Variants in PHF21A observed in about 807,000 individuals in gnomAD.
The protein encoded by PHF21A is PHD finger protein 21A.
PHF21A carries 11 observed loss-of-function variants against 82.5 expected under a neutral mutation model. The observed-to-expected ratio is 0.13, with a 90% CI of 0.08 to 0.22. The LOEUF (loss-of-function observed/expected upper bound fraction) is 0.22, where lower values mean the gene tolerates loss of function less well. Among genes scored for constraint, PHF21A ranks in the 10% least tolerant of loss-of-function variants. PHF21A has a pLI of 1.00. For missense variants in PHF21A, 579 were observed against 837.8 expected, an observed-to-expected ratio of 0.69 and a Z score of 3.81; for synonymous variants, 297 against 302.8, an observed-to-expected ratio of 0.98 and a Z score of 0.20.
chr11:46,111,341 A>C (rs1371265092), intron 1 of PHF21A, among the ~76,000 whole-genome samples: 2 of 151,774 alleles, frequency 1.3e-5, no homozygotes, highest in Non-Finnish European at 2.9e-5. Context: ...ATGGAGGTGC[A>C]TGCCTGTAAT....
At chr11:45,958,531 C>T (rs1343272154) in intron 10 of PHF21A, among the ~76,000 whole-genome samples, 6 of 142,740 alleles carry the variant, frequency 4.2e-5, no homozygotes, top group Non-Finnish European at 7.5e-5. Context: ...GAAGCTGAGG[C>T]GGGAGGATCA....
At chr11:45,973,470 A>G (rs1314407507) in intron 7 of PHF21A, among the ~76,000 whole-genome samples, 1 of 152,182 alleles carries the variant, frequency 6.6e-6, no homozygotes, top group Non-Finnish European at 1.5e-5. Flanking sequence ...ATCATCATCC[A>G]AATCTTTGTT....
intron 6 of PHF21A, among the ~76,000 whole-genome samples, chr11:46,001,015 C>T (rs2095108049): frequency 1.3e-5 from 2 of 152,026 alleles, no homozygotes; most frequent in Non-Finnish European, 2.9e-5. Flanking sequence ...CTTCTATATT[C>T]AAAACCTATG....
intron 6 of PHF21A, among the ~76,000 whole-genome samples, chr11:46,075,304 T>C (rs1409312918): frequency 1.3e-5 from 2 of 152,226 alleles, no homozygotes; most frequent in African/African-American, 4.8e-5. Flanking sequence ...ATCTTAACTT[T>C]GCAACAGCAT....
chr11:46,074,149 C>T (rs554860276), intron 6 of PHF21A, among the ~76,000 whole-genome samples: 6 of 149,688 alleles, frequency 4.0e-5, no homozygotes, highest in African/African-American at 1.2e-4. Flanking sequence ...TCAGATGCAA[C>T]TTTTTTTAAT....
At position 45,971,354 on chromosome 11, in the gene PHF21A, G is replaced by A; in HGVS notation, c.374C>T (p.Thr125Ile). 1 of 1,613,944 alleles carries A rather than the reference G, an allele frequency of 6.2e-7. No homozygotes were observed. Among genetic ancestry groups the A allele is most frequent in the Non-Finnish European group, 8.5e-7 (1 of 1,179,862 alleles). ...NLTASQKTVT[T>I]ASMITTKTLP... The stretch of plus-strand genomic sequence containing the variant: ...TGTCTTTGTGGTAATCATAGAAGCT[G>A]TAGTTACAGTCTTCTAGGAGACAGG... Residue 125 changes from threonine (T) to isoleucine (I), a missense_variant, in exon 8 of 19, where the codon ACA becomes ATA. Physicochemically the swap from Thr to Ile is moderately conservative, Grantham distance 89 (BLOSUM62 -1). Transcript: ENST00000676320.
intron 6 of PHF21A, among the ~76,000 whole-genome samples, chr11:46,055,575 C>G (rs2096441480): frequency 6.6e-6 from 1 of 152,072 alleles, no homozygotes; most frequent in Non-Finnish European, 1.5e-5. Flanking sequence ...TTCCAATTCC[C>G]TAGAGCAGTC....
At chr11:46,006,257 A>G (rs1436592943) in intron 6 of PHF21A, among the ~76,000 whole-genome samples, 3 of 152,208 alleles carry the variant, frequency 2.0e-5, no homozygotes, top group Admixed American at 6.5e-5. Context: ...TTGTTTTCCA[A>G]TGCTTCCAGA....
chr11:46,065,911 T>G (rs575306514), intron 6 of PHF21A, among the ~76,000 whole-genome samples: 1 of 152,346 alleles, frequency 6.6e-6, no homozygotes, highest in East Asian at 1.9e-4. Context: ...AAGGAGCTAC[T>G]GGCTCACAGA....
intron 6 of PHF21A, among the ~76,000 whole-genome samples, chr11:46,073,295 T>C (rs1474054729): frequency 6.7e-6 from 1 of 149,412 alleles, no homozygotes; most frequent in Non-Finnish European, 1.5e-5. Flanking sequence ...GCCACTGCAC[T>C]CCAGCCTGGG....
intron 6 of PHF21A, among the ~76,000 whole-genome samples, chr11:46,068,270 A>G (rs2139726950): frequency 6.6e-6 from 1 of 152,268 alleles, no homozygotes; most frequent in South Asian, 2.1e-4. Flanking sequence ...CTCAATAAAT[A>G]TATGTGGAAT....
chr11:45,989,919 G>T (rs1190420310), intron 6 of PHF21A, among the ~76,000 whole-genome samples: 2 of 151,834 alleles, frequency 1.3e-5, no homozygotes, highest in African/African-American at 2.4e-5. Context: ...TTGAGCCCAG[G>T]AGGTTGAGGC....
intron 10 of PHF21A, among the ~76,000 whole-genome samples, chr11:45,955,229 C>T (rs912653456): frequency 1.3e-5 from 2 of 152,012 alleles, no homozygotes; most frequent in Non-Finnish European, 2.9e-5. Context: ...GTTGATTGGG[C>T]TTCTGGGTGA....
intron 10 of PHF21A, among the ~76,000 whole-genome samples, chr11:45,964,571 A>T (rs1026007429): frequency 1.3e-5 from 2 of 152,180 alleles, no homozygotes; most frequent in African/African-American, 4.8e-5. Flanking sequence ...TTTTAAAGCA[A>T]CTTTCTTGAG....
At position 45,934,131 on chromosome 11, in the gene PHF21A, C is replaced by T. The variant is rs140543084; in HGVS notation, c.1883G>A (p.Gly628Asp). The change falls in exon 19 of 19, where the codon GGC (glycine) becomes GAC (aspartate). Residue 628 changes from glycine to aspartate, a missense_variant. By Grantham distance (94) the Gly-to-Asp change is moderately conservative. Coordinates refer to ENST00000676320, the MANE Select transcript of PHF21A (RefSeq NM_001352027.3). ...KVKQLIRLIHGIDLSKPVDSE... is the reference protein window; with the variant it reads ...KVKQLIRLIHDIDLSKPVDSE... ...GTCTACAGGTTTGGAGAGGTCGATG[C>T]CGTGGATGAGGCGAATCAGCTGTTT... 3 of 1,614,154 alleles carry T rather than the reference C, an allele frequency of 1.9e-6. No individual in the cohort carries two copies. Among genetic ancestry groups the T allele is most frequent in the Non-Finnish European group, 2.5e-6 (3 of 1,180,020 alleles).
chr11:46,016,653 T>C (rs547775789), intron 6 of PHF21A, among the ~76,000 whole-genome samples: 1 of 152,274 alleles, frequency 6.6e-6, no homozygotes, highest in East Asian at 1.9e-4. Context: ...TAATCTATTT[T>C]ACACTGCAAT....
intron 10 of PHF21A, among the ~76,000 whole-genome samples, chr11:45,962,394 C>T (rs2093146992): frequency 6.6e-6 from 1 of 151,968 alleles, no homozygotes. Context: ...AGATCTCTTA[C>T]TGGCTATAAA....
chr11:45,996,578 G>A (rs2094916642), intron 6 of PHF21A, among the ~76,000 whole-genome samples: 1 of 152,192 alleles, frequency 6.6e-6, no homozygotes, highest in African/African-American at 2.4e-5. Flanking sequence ...GCAGTGCCAG[G>A]AATGCTACTC....
Position 45,953,548 on chromosome 11 carries a change from T to C in PHF21A, c.1074A>G (p.Pro358=). The change falls in exon 11 of 19, where the codon CCA becomes CCG. Residue 358 remains proline, a synonymous_variant. Transcript: ENST00000676320. ...CTACCTGAGGGTTCTCCTCCCGTTT[T>C]GGTTTGGGTGCAGCAGGTGGGGTGA... ...RTITPPAAPK[P]KREENPQKLA... 6.2e-6 allele frequency: 10 copies of C among 1,613,520 alleles called. No individual in the cohort carries two copies. Among genetic ancestry groups the C allele is most frequent in the Non-Finnish European group, 8.5e-6 (10 of 1,179,436 alleles).
Sources: allele counts gnomAD v4.1 joint callset (sites outside exome capture counted in the v4.1 genomes callset), GRCh38; gene constraint gnomAD v4.1.1; transcripts MANE v1.5; gene names NCBI Gene and HGNC (gene_info 2026-07-23, HGNC 2026-07-21).